ASTN1: variants seen among roughly 807,000 people sequenced by gnomAD.
ASTN1 encodes astrotactin-1.
In ASTN1, 41 loss-of-function variants were observed where a neutral mutation model predicts 140.7. The ratio of observed to expected loss-of-function variants is 0.29; its 90% CI spans 0.23 to 0.38. The LOEUF (loss-of-function observed/expected upper bound fraction) is 0.38. Ranked by LOEUF, ASTN1 falls within the 10% of genes least tolerant of loss-of-function variation. ASTN1 has a pLI of 1.00. For synonymous variants in ASTN1, 640 were observed against 652.2 expected (o/e 0.98, Z 0.29); for missense variants, 1,479 against 1,678.8 (o/e 0.88, Z 2.08).
At chr1:176,943,305 T>G (rs1169524568) in intron 14 of ASTN1, among the ~76,000 whole-genome samples, 2 of 152,024 alleles carry the variant, frequency 1.3e-5, no homozygotes, top group Non-Finnish European at 2.9e-5. Context: ...ACAATGAGTC[T>G]GAAGGAAGAA....
chr1:177,097,587 C>T (rs1161243769), intron 1 of ASTN1, among the ~76,000 whole-genome samples: 1 of 152,102 alleles, frequency 6.6e-6, no homozygotes, highest in Non-Finnish European at 1.5e-5. Flanking sequence ...GCTCCTAAAC[C>T]CTTGGAATTT....
intron 1 of ASTN1, among the ~76,000 whole-genome samples, chr1:177,117,730 C>A (rs1000848353): frequency 3.9e-5 from 6 of 152,174 alleles, no homozygotes; most frequent in African/African-American, 1.4e-4. Flanking sequence ...CACCATTTCC[C>A]AGATAACAAC....
Position 177,006,674 on chromosome 1 carries a change from C to T in ASTN1, c.1523+8117G>A, listed in dbSNP as rs75917998. 5.1e-3 allele frequency among the ~76,000 whole-genome samples: 783 copies of T among 152,108 alleles called. 4 individuals carry two copies. Among genetic ancestry groups the T allele is most frequent in the African/African-American group, 0.017 (724 of 41,510 alleles). On this transcript the variant is annotated intron_variant, in intron 8 of 22. Coordinates refer to ENST00000361833, the MANE Select transcript of ASTN1 (RefSeq NM_004319.3). ...AAATTGAGGTTGATTTTTTTTCACCCTGTTGGACTTGTTGGAGGAAATATG... is the reference window on the plus strand; with the variant it reads ...AAATTGAGGTTGATTTTTTTTCACCTTGTTGGACTTGTTGGAGGAAATATG...
At chr1:176,992,485 C>G (rs1558015861) in intron 8 of ASTN1, among the ~76,000 whole-genome samples, 2 of 151,916 alleles carry the variant, frequency 1.3e-5, no homozygotes, top group Non-Finnish European at 2.9e-5. Context: ...TGCTTCTAAA[C>G]TCATTAAGCA....
intron 16 of ASTN1, among the ~76,000 whole-genome samples, chr1:176,933,237 C>A (rs1057236593): frequency 2.0e-4 from 31 of 152,162 alleles, no homozygotes; most frequent in African/African-American, 7.5e-4. Context: ...ACCAACAGCA[C>A]CTCAGTCACA....
At position 176,915,252 on chromosome 1, in the gene ASTN1, C is replaced by T. The variant is rs185569923; in HGVS notation, c.2671+18900G>A. Among the ~76,000 whole-genome samples, 23 of 152,250 alleles carry T rather than the reference C, an allele frequency of 1.5e-4. No homozygotes were observed. The East Asian group carries it at 4.4e-3, about 29-fold the overall frequency. ...TACATTACTGAGGACCTACCATGGG[C>T]CAGGTGTTCTACCCGCCTTATGACT... On this transcript the variant is annotated intron_variant, in intron 16 of 22. Transcript: ENST00000361833.
intron 2 of ASTN1, among the ~76,000 whole-genome samples, chr1:177,050,324 G>A (rs985467826): frequency 1.3e-5 from 2 of 152,132 alleles, no homozygotes; most frequent in African/African-American, 4.8e-5. Flanking sequence ...ACCTTAAGCA[G>A]TTATACAAAT....
At position 176,943,931 on chromosome 1, in the gene ASTN1, C is replaced by T; in HGVS notation, c.2337G>A (p.Glu779=). The change falls in exon 14 of 23, where the codon GAG becomes GAA. Residue 779 remains glutamate, a synonymous_variant. Coordinates refer to ENST00000361833, the MANE Select transcript of ASTN1 (RefSeq NM_004319.3). The part of the protein sequence containing the change: ...ATVPLENQCL[E]EISEPTPDPD... ...GGTCAGGGGTGGGCTCCGAGATCTC[C>T]TCTAGGCATTGATTCTCCAGGGGCA... The T allele has an allele frequency of 1.9e-6, 3 of 1,614,054 alleles. No homozygotes were observed. Among genetic ancestry groups the T allele is most frequent in the African/African-American group, 2.7e-5 (2 of 75,044 alleles).
chr1:177,044,911 CAGTTCTGTTGTAAGGG>C (rs1677147132), intron 2 of ASTN1, among the ~76,000 whole-genome samples: 2 of 152,172 alleles, frequency 1.3e-5, no homozygotes, highest in South Asian at 4.2e-4. Flanking sequence ...TCTTAACATT[CAGTTCTGTTGTAAGGG>C]AGAGAGGGAC....
chr1:176,916,585 A>G (rs1670494877), intron 16 of ASTN1, among the ~76,000 whole-genome samples: 1 of 151,812 alleles, frequency 6.6e-6, no homozygotes. Context: ...CTCACCCTCC[A>G]CATCCAAAGA....
chr1:177,137,414 A>C (rs1247596361), intron 1 of ASTN1, among the ~76,000 whole-genome samples: 4 of 152,228 alleles, frequency 2.6e-5, no homozygotes, highest in Non-Finnish European at 4.4e-5. Context: ...CAAAGAAAAG[A>C]GTTCAAGGAT....
chr1:177,091,933 T>A (rs896637024), intron 1 of ASTN1, among the ~76,000 whole-genome samples: 3 of 152,180 alleles, frequency 2.0e-5, no homozygotes, highest in African/African-American at 7.2e-5. Flanking sequence ...CTCTTTTTTT[T>A]AATATTATGA....
At chr1:177,143,322 A>T (rs1333957369) in intron 1 of ASTN1, among the ~76,000 whole-genome samples, 1 of 152,186 alleles carries the variant, frequency 6.6e-6, no homozygotes, top group Non-Finnish European at 1.5e-5. Context: ...TTCCATCATC[A>T]CTACCATAAT....
Position 177,110,989 on chromosome 1 carries a change from C to G in ASTN1, c.284-49724G>C, listed in dbSNP as rs146377003. 3.2e-3 allele frequency among the ~76,000 whole-genome samples: 491 copies of G among 152,290 alleles called. 4 individuals are homozygous for G. Among genetic ancestry groups the G allele is most frequent in the African/African-American group, 0.011 (472 of 41,558 alleles). ...TTTAACAGAGGTGAAATCAAACAAG[C>G]AAAGTGAAATTCTATGTAACCCTCC... On this transcript the variant is annotated intron_variant, in intron 1 of 22. Transcript: ENST00000361833.
At chr1:176,991,783 C>T (rs2101898161) in intron 8 of ASTN1, among the ~76,000 whole-genome samples, 1 of 152,288 alleles carries the variant, frequency 6.6e-6, no homozygotes, top group African/African-American at 2.4e-5. Flanking sequence ...AGCCATTTAA[C>T]CATGTAGTCA....
chr1:177,035,268 GTCACCCAGAATGAGCATTGC>G (rs1676656422), intron 2 of ASTN1, among the ~76,000 whole-genome samples: 1 of 152,176 alleles, frequency 6.6e-6, no homozygotes, highest in Non-Finnish European at 1.5e-5. Flanking sequence ...CTAGCCTGCA[GTCACCCAGAATGAGCATTGC>G]TCACTGGAGA....
intron 1 of ASTN1, among the ~76,000 whole-genome samples, chr1:177,164,097 C>G (rs1398085941): frequency 6.6e-6 from 1 of 152,074 alleles, no homozygotes; most frequent in Non-Finnish European, 1.5e-5. Context: ...GCTCCTGAAT[C>G]AAAGCTGGGA....
Position 177,161,313 on chromosome 1 carries a change from T to A in ASTN1, c.283+3081A>T, listed in dbSNP as rs150412386. 3.8e-3 allele frequency among the ~76,000 whole-genome samples: 582 copies of A among 152,362 alleles called. 2 individuals are homozygous for A. The highest frequency in any genetic ancestry group is 0.024 in the Middle Eastern group (7 of 294). On this transcript the variant is annotated intron_variant, in intron 1 of 22. Coordinates refer to ENST00000361833, the MANE Select transcript of ASTN1 (RefSeq NM_004319.3). ...AGGCCGATCCCCACACTATGCCATA[T>A]GCATGCCATTTCCATATTCACTCCC...
chr1:176,939,947 A>C (rs536624425), intron 14 of ASTN1, among the ~76,000 whole-genome samples: 1 of 152,180 alleles, frequency 6.6e-6, no homozygotes, highest in East Asian at 1.9e-4. Flanking sequence ...TTGTTATTTT[A>C]TCTGAAATGT....
Sources: allele counts gnomAD v4.1 joint callset (sites outside exome capture counted in the v4.1 genomes callset), GRCh38; gene constraint gnomAD v4.1.1; transcripts MANE v1.5; gene names NCBI Gene and HGNC (gene_info 2026-07-23, HGNC 2026-07-21).